The following DPYD variants were observed in gnomAD, a reference collection of about 807,000 sequenced individuals.
The protein encoded by DPYD is dihydropyrimidine dehydrogenase, also known as dihydropyrimidine dehydrogenase [NADP(+)].
A neutral mutation model predicts 116.2 loss-of-function variants in DPYD; 109 were observed. That is an observed-to-expected ratio of 0.94 (90% CI 0.80 to 1.10). The LOEUF (loss-of-function observed/expected upper bound fraction) is 1.10, where lower values mean the gene tolerates loss of function less well. Among genes scored for constraint, DPYD ranks in the 50% least tolerant of loss-of-function variants. DPYD has a pLI of 0.00. For synonymous variants in DPYD, 440 were observed against 432.0 expected, an observed-to-expected ratio of 1.02 and a Z score of -0.23; for missense variants, 1,302 against 1,254.5, an observed-to-expected ratio of 1.04 and a Z score of -0.57.
rs539464216 is a variant in DPYD, at chr1:97,372,436, G to T, written c.2058+1125C>A. Among the ~76,000 whole-genome samples, 15 of 152,060 alleles carry T rather than the reference G, an allele frequency of 9.9e-5. No individual in the cohort carries two copies. The South Asian group carries it at 3.1e-3, about 32-fold the overall frequency. On this transcript the variant is annotated intron_variant, in intron 16 of 22. Transcript: ENST00000370192. ...TGTCATGTTTTCCCTATACTAGATAGTTCTGAGTCTTGGTTCTGTTATCAT... is the reference window on the plus strand; with the variant it reads ...TGTCATGTTTTCCCTATACTAGATATTTCTGAGTCTTGGTTCTGTTATCAT...
At chr1:97,910,227 T>C (rs753434767) in intron 1 of DPYD, among the ~76,000 whole-genome samples, 4 of 152,124 alleles carry the variant, frequency 2.6e-5, no homozygotes, top group South Asian at 2.1e-4. Flanking sequence ...TGCAATTTTA[T>C]TGACTGCAGA....
At chr1:97,894,649 A>G (rs1571545468) in intron 1 of DPYD, among the ~76,000 whole-genome samples, 2 of 151,858 alleles carry the variant, frequency 1.3e-5, no homozygotes, top group East Asian at 3.9e-4. Flanking sequence ...TATTCTTTAA[A>G]CAATTTAAAC....
At chr1:97,540,882 G>T (rs1247317309) in intron 12 of DPYD, among the ~76,000 whole-genome samples, 3 of 152,226 alleles carry the variant, frequency 2.0e-5, no homozygotes, top group South Asian at 2.1e-4. Context: ...AGATTCCAAA[G>T]ATTTTAGGAG....
chr1:97,636,468 T>C (rs1488364004), intron 8 of DPYD, among the ~76,000 whole-genome samples: 3 of 152,108 alleles, frequency 2.0e-5, no homozygotes, highest in African/African-American at 7.2e-5. Context: ...AAATAAAATA[T>C]AGATAAAAAT....
At chr1:97,760,436 T>C (rs1206615001) in intron 3 of DPYD, among the ~76,000 whole-genome samples, 1 of 152,088 alleles carries the variant, frequency 6.6e-6, no homozygotes, top group Non-Finnish European at 1.5e-5. Context: ...AAAATAGCAA[T>C]ACAACAATAA....
At chr1:97,305,804 G>T (rs1002041355) in intron 17 of DPYD, among the ~76,000 whole-genome samples, 5 of 151,842 alleles carry the variant, frequency 3.3e-5, no homozygotes, top group Non-Finnish European at 5.9e-5. Flanking sequence ...TTCACATTGT[G>T]CAAATTGAAT....
chr1:97,845,996 C>T (rs1467922577), intron 2 of DPYD, among the ~76,000 whole-genome samples: 1 of 152,236 alleles, frequency 6.6e-6, no homozygotes, highest in African/African-American at 2.4e-5. Flanking sequence ...GTGGACCCCA[C>T]ACTCACTCAC....
chr1:97,681,846 AAG>A (rs1660444101), intron 7 of DPYD, among the ~76,000 whole-genome samples: 2 of 152,276 alleles, frequency 1.3e-5, no homozygotes, highest in African/African-American at 4.8e-5. Context: ...CAAACTGAGT[AAG>A]TATGCCATTT....
At chr1:97,363,803 G>T (rs1428329636) in intron 16 of DPYD, among the ~76,000 whole-genome samples, 1 of 152,146 alleles carries the variant, frequency 6.6e-6, no homozygotes, top group Non-Finnish European at 1.5e-5. Flanking sequence ...GGCCTGTCAT[G>T]GGGTGGGGAG....
intron 8 of DPYD, among the ~76,000 whole-genome samples, chr1:97,607,543 G>C (rs576304475): frequency 6.6e-6 from 1 of 151,998 alleles, no homozygotes; most frequent in East Asian, 1.9e-4. Context: ...AGTCAGAGAT[G>C]CTAATGAGCA....
chr1:97,567,530 C>G (rs1293085887), intron 11 of DPYD, among the ~76,000 whole-genome samples: 1 of 152,088 alleles, frequency 6.6e-6, no homozygotes, highest in Non-Finnish European at 1.5e-5. Flanking sequence ...AGGGTCGTAT[C>G]TTCCCTGGCT....
At chr1:97,759,203 T>C (rs1665437514) in intron 3 of DPYD, among the ~76,000 whole-genome samples, 1 of 152,132 alleles carries the variant, frequency 6.6e-6, no homozygotes, top group Non-Finnish European at 1.5e-5. Context: ...AAACAAAGCT[T>C]TGCTGCATTG....
At position 97,515,746 on chromosome 1, in the gene DPYD, T is replaced by C. The variant is rs1648174357; in HGVS notation, c.1720A>G (p.Lys574Glu). 6.2e-7 allele frequency: 1 copy of C among 1,612,604 alleles called. No homozygotes were observed. Among genetic ancestry groups the C allele is most frequent in the Non-Finnish European group, 8.5e-7 (1 of 1,179,134 alleles). The change falls in exon 13 of 23, where the codon AAA becomes GAA. Residue 574 changes from lysine (K) to glutamate (E), a missense_variant. Lys to Glu is a moderately conservative substitution (Grantham distance 56, BLOSUM62 1). Transcript: ENST00000370192. ...CTTACCTTATCAAGAGAGAAAGTTT[T>C]GGTGAGGGCAAAACCCCATCCAGCT... ...FEAGWGFALT[K>E]TFSLDKDIVT...
chr1:97,294,003 T>A (rs1242734553), intron 18 of DPYD, among the ~76,000 whole-genome samples: 1 of 151,984 alleles, frequency 6.6e-6, no homozygotes, highest in African/African-American at 2.4e-5. Context: ...CAACTGAATA[T>A]TAAGAATAAA....
chr1:97,722,203 T>C (rs1207294782), intron 4 of DPYD, among the ~76,000 whole-genome samples: 2 of 151,454 alleles, frequency 1.3e-5, no homozygotes, highest in African/African-American at 2.4e-5. Flanking sequence ...TTTCCTCTAA[T>C]CAAAAGGAAG....
At chr1:97,912,749 G>A (rs575271345) in intron 1 of DPYD, among the ~76,000 whole-genome samples, 5 of 152,106 alleles carry the variant, frequency 3.3e-5, no homozygotes, top group East Asian at 1.9e-4. Context: ...TGTGGTGAAC[G>A]GTAACACACG....
intron 4 of DPYD, among the ~76,000 whole-genome samples, chr1:97,726,835 G>T (rs550289516): frequency 1.3e-5 from 2 of 151,418 alleles, no homozygotes; most frequent in South Asian, 2.1e-4. Context: ...ATCACAAGAA[G>T]AAAAAGAGAC....
chr1:97,902,597 T>C (rs1412887833), intron 1 of DPYD, among the ~76,000 whole-genome samples: 2 of 151,860 alleles, frequency 1.3e-5, no homozygotes, highest in African/African-American at 4.8e-5. Context: ...ATGTAAATTA[T>C]CACCATCACT....
At chr1:97,326,855 G>T (rs899934304) in intron 16 of DPYD, among the ~76,000 whole-genome samples, 1 of 151,796 alleles carries the variant, frequency 6.6e-6, no homozygotes, top group African/African-American at 2.4e-5. Flanking sequence ...CATAAAATAC[G>T]TATAAAACAA....
Sources: gnomAD v4.1 joint callset for allele counts (sites outside exome capture counted in the v4.1 genomes callset) on GRCh38, gnomAD v4.1.1 for gene constraint, MANE v1.5 for transcripts, NCBI Gene and HGNC (gene_info 2026-07-23, HGNC 2026-07-21) for gene names.